Variants in SLC29A4 observed in about 807,000 individuals in gnomAD.
SLC29A4 encodes the protein equilibrative nucleoside transporter 4.
Under a neutral mutation model 43.9 loss-of-function variants are expected in SLC29A4, and 36 were observed. The observed-to-expected ratio is 0.82, with a 90% CI of 0.63 to 1.08. The LOEUF is 1.08. Among genes scored for constraint, SLC29A4 ranks in the 50% least tolerant of loss-of-function variants. The pLI is 0.00. For missense variants in SLC29A4, 869 were observed against 755.3 expected, an observed-to-expected ratio of 1.15 and a Z score of -1.77; for synonymous variants, 491 against 338.0, an observed-to-expected ratio of 1.45 and a Z score of -4.97.
chr7:5,299,104 G>A lies in SLC29A4; in HGVS notation c.999G>A (p.Gln333=), dbSNP rs752832444. 1.4e-5 allele frequency: 22 copies of A among 1,610,350 alleles called. No homozygotes were observed. The East Asian group carries it at 4.7e-4, about 34-fold the overall frequency. ...TTGATGTGCCGCGGCCAAGGGTCCA[G>A]CGCAGCTGGCCCACCTTCAGAGGTG... ...MRFDVPRPRV[Q]RSWPTFRALL... The change falls in exon 8 of 11, where the codon CAG becomes CAA. Residue 333 remains glutamine (Q), a synonymous_variant. Transcript: ENST00000396872.
Position 5,294,869 on chromosome 7 carries a change from C to G in SLC29A4, c.554C>G (p.Ser185Cys). Residue 185 changes from serine (S) to cysteine (C), a missense_variant, in exon 6 of 11, where the codon TCC becomes TGC. By Grantham distance (112) the Ser-to-Cys change is moderately radical. Transcript: ENST00000396872. Reference protein sequence around the residue: ...TVAFGCTVQQSSFYGYTGMLP... With the variant: ...TVAFGCTVQQCSFYGYTGMLP... The stretch of plus-strand genomic sequence containing the variant: ...CTCTCTCTCTCTTAAGTGCAGCAAT[C>G]CAGCTTCTACGGGTACACGGGGATG... The G allele has an allele frequency of 6.2e-7, 1 of 1,612,498 alleles. No individual in the cohort carries two copies. Among genetic ancestry groups the G allele is most frequent in the Non-Finnish European group, 8.5e-7 (1 of 1,179,778 alleles).
intron 5 of SLC29A4, among the ~76,000 whole-genome samples, chr7:5,292,612 G>C (rs1785375818): frequency 6.9e-6 from 1 of 144,828 alleles, no homozygotes; most frequent in African/African-American, 2.6e-5. Context: ...TTGAGAGTTA[G>C]TTGTAGATGT....
At chr7:5,286,881 G>C (rs1292988524) in intron 1 of SLC29A4, among the ~76,000 whole-genome samples, 1 of 152,228 alleles carries the variant, frequency 6.6e-6, no homozygotes, top group Non-Finnish European at 1.5e-5. Context: ...CTTCCTCCCA[G>C]AGGACACTGC....
In SLC29A4 at chr7:5,299,075, C is replaced by T. The variant is rs371297225; in HGVS notation, c.970C>T (p.Arg324Cys). The T allele has an allele frequency of 1.5e-5, 24 of 1,610,826 alleles. No individual in the cohort carries two copies. Among genetic ancestry groups the T allele is most frequent in the East Asian group, 8.9e-5 (4 of 44,832 alleles). The change falls in exon 8 of 11, where the codon CGC (arginine) becomes TGC (cysteine). Residue 324 changes from arginine to cysteine, a missense_variant. Transcript: ENST00000396872. ...GACCGGCAGCGGCGGGGCCTACATGCGCTTTGATGTGCCGCGGCCAAGGGT... is the reference window on the plus strand; with the variant it reads ...GACCGGCAGCGGCGGGGCCTACATGTGCTTTGATGTGCCGCGGCCAAGGGT... ...EVTGSGGAYM[R>C]FDVPRPRVQR... is the part of the protein sequence containing the mutation.
chr7:5,290,608 G>A (rs891406826), intron 2 of SLC29A4, 124 bp from the exon 3 acceptor site: 7 of 1,291,612 alleles, frequency 5.4e-6, no homozygotes, highest in African/African-American at 4.4e-5. Flanking sequence ...ACAGAGGGGA[G>A]CAGGGGTCAC....
Position 5,287,815 on chromosome 7 carries a change from C to T in SLC29A4, c.-2C>T. Reference sequence around the variant, plus strand: ...TCTGCTTTCTCCAAAGCAGAGGCTGCCATGGGCTCCGTGGGGAGCCAGCGC... The same window carrying T: ...TCTGCTTTCTCCAAAGCAGAGGCTGTCATGGGCTCCGTGGGGAGCCAGCGC... On this transcript the variant is annotated 5_prime_UTR_variant, in exon 2 of 11. Transcript: ENST00000396872. 6.2e-7 allele frequency: 1 copy of T among 1,610,770 alleles called. No homozygotes were observed. Among genetic ancestry groups the T allele is most frequent in the Middle Eastern group, 2.1e-4 (1 of 4,774 alleles).
chr7:5,302,665 G>GGAGC, intron 10 of SLC29A4, 132 bp from the exon 11 acceptor site: 1 of 854,628 alleles, frequency 1.2e-6, no homozygotes, highest in South Asian at 1.8e-5. Context: ...GCTCCCAGGA[G>GGAGC]GAGCGATGGG....
intron 9 of SLC29A4, 64 bp downstream of exon 9, chr7:5,299,491 T>G: frequency 6.5e-7 from 1 of 1,532,186 alleles, no homozygotes; most frequent in Non-Finnish European, 8.8e-7. Context: ...AGGGAGGCCC[T>G]GGCCTATCCG....
intron 2 of SLC29A4, among the ~76,000 whole-genome samples, chr7:5,290,237 G>A (rs929230502): frequency 9.9e-5 from 15 of 152,066 alleles, no homozygotes; most frequent in African/African-American, 3.1e-4. Context: ...GGGTTTTTTT[G>A]TATTTTTAGT....
At chr7:5,293,828 C>T (rs1424227437) in intron 5 of SLC29A4, among the ~76,000 whole-genome samples, 1 of 152,008 alleles carries the variant, frequency 6.6e-6, no homozygotes, top group Non-Finnish European at 1.5e-5. Context: ...TTTTTGTCTC[C>T]ATGCATGGTG....
intron 9 of SLC29A4, among the ~76,000 whole-genome samples, chr7:5,299,841 C>T (rs1583679361): frequency 2.0e-5 from 3 of 152,180 alleles, no homozygotes; most frequent in South Asian, 4.1e-4. Context: ...CACTTGAGGC[C>T]AGGAGTTCTA....
chr7:5,306,877 TAAAAAAAA>T lies in SLC29A4; in HGVS notation c.*3942_*3949del, dbSNP rs33960126. 4.8e-5 allele frequency: 7 copies of T among 146,974 alleles called. No homozygotes were observed. The highest frequency in any genetic ancestry group is 1.5e-4 in the African/African-American group (6 of 40,054). 9.1% of individuals were successfully genotyped at this position (146,974 alleles called of 1,614,324 possible). On this transcript the variant is annotated 3_prime_UTR_variant, in exon 11 of 11. Transcript: ENST00000396872. The stretch of plus-strand genomic sequence containing the variant: ...AACAAACAAAATTCCAAAAGAAACA[TAAAAAAAA>T]AAACCAATAATTCCCCCAAAAAACA...
rs2128089515 is a variant in SLC29A4 at position 5,294,840 on chromosome 7, T to TCC, written c.545-19_545-18dup. The TCC allele has an allele frequency of 1.9e-6, 3 of 1,547,092 alleles. No individual in the cohort carries two copies. The highest frequency in any genetic ancestry group is 2.6e-6 in the Non-Finnish European group (3 of 1,153,908). On this transcript the variant is annotated intron_variant, in intron 5 of 10. Coordinates refer to ENST00000396872, the MANE Select transcript of SLC29A4 (RefSeq NM_153247.4). ...GGTGATAATGGTGCCTCTGGGTTGTTCCTCTCTCTCTCTCTTAAGTGCAGC... is the reference window on the plus strand; with the variant it reads ...GGTGATAATGGTGCCTCTGGGTTGTTCCCCTCTCTCTCTCTCTTAAGTGCAGC...
intron 1 of SLC29A4, among the ~76,000 whole-genome samples, chr7:5,283,601 G>C (rs1007088001): frequency 4.6e-5 from 7 of 152,328 alleles, no homozygotes; most frequent in African/African-American, 1.7e-4. Flanking sequence ...GAGGGCGGTG[G>C]GCCCGGGGGG....
chr7:5,300,444 A>G lies in SLC29A4; in HGVS notation c.1232A>G (p.Asp411Gly). Residue 411 changes from aspartate to glycine, a missense_variant, in exon 10 of 11, where the codon GAC (aspartate) becomes GGC (glycine). Physicochemically the swap from Asp to Gly is moderately conservative, Grantham distance 94. Transcript: ENST00000396872. The part of the protein sequence containing the change: ...VGKILAALPV[D>G]WRGTHLLACS... ...CAGATCCTGGCAGCCCTGCCCGTGG[A>G]CTGGCGGGGCACCCACCTGCTGGCC... is the stretch of plus-strand genomic sequence containing the variant. 2 of 1,611,190 alleles carry G rather than the reference A, an allele frequency of 1.2e-6. No individual in the cohort carries two copies. Among genetic ancestry groups the G allele is most frequent in the Non-Finnish European group, 1.7e-6 (2 of 1,179,680 alleles).
At chr7:5,297,325 A>C in intron 7 of SLC29A4, 127 bp downstream of exon 7, 1 of 1,115,876 alleles carries the variant, frequency 9.0e-7, no homozygotes, top group South Asian at 1.7e-5. Flanking sequence ...CCTGTGGTGG[A>C]GACTCCTTCC....
Position 5,302,965 on chromosome 7 carries a change from G to A in SLC29A4, c.*26G>A, listed in dbSNP as rs568447560. On this transcript the variant is annotated 3_prime_UTR_variant, in exon 11 of 11. Coordinates refer to ENST00000396872, the MANE Select transcript of SLC29A4 (RefSeq NM_153247.4). ...GCCAGCCCCGCCCACTGCCAGGGACGCCGAGGGCCTGACCAGGGGCCCCGA... is the reference window on the plus strand; with the variant it reads ...GCCAGCCCCGCCCACTGCCAGGGACACCGAGGGCCTGACCAGGGGCCCCGA... 1.4e-5 allele frequency: 23 copies of A among 1,596,924 alleles called. No individual in the cohort carries two copies. Among genetic ancestry groups the A allele is most frequent in the Admixed American group, 8.6e-5 (5 of 58,110 alleles).
chr7:5,287,007 G>A (rs1784996129), intron 1 of SLC29A4, among the ~76,000 whole-genome samples: 1 of 152,158 alleles, frequency 6.6e-6, no homozygotes, highest in African/African-American at 2.4e-5. Context: ...TTCTCACCGT[G>A]CCCACTGCCA....
intron 2 of SLC29A4, among the ~76,000 whole-genome samples, chr7:5,290,273 C>T (rs182763858): frequency 2.0e-5 from 3 of 152,270 alleles, no homozygotes; most frequent in African/African-American, 7.2e-5. Context: ...CCGTGTTAGC[C>T]AGGATAGTCT....
Sources: allele counts gnomAD v4.1 joint callset (sites outside exome capture counted in the v4.1 genomes callset), GRCh38; gene constraint gnomAD v4.1.1; transcripts MANE v1.5; gene names NCBI Gene and HGNC (gene_info 2026-07-23, HGNC 2026-07-21).